The following MAP3K1 variants were observed in gnomAD, a reference collection of about 807,000 sequenced individuals.
MAP3K1 encodes the protein MAP/ERK kinase kinase 1.
MAP3K1 carries 36 observed loss-of-function variants against 144.2 expected under a neutral mutation model. The observed-to-expected ratio is 0.25, with a 90% CI of 0.19 to 0.33. The LOEUF (loss-of-function observed/expected upper bound fraction) is 0.33. Ranked by LOEUF, MAP3K1 falls within the 10% of genes least tolerant of loss-of-function variation. MAP3K1 has a pLI of 1.00. For synonymous variants in MAP3K1, 718 were observed against 688.7 expected (o/e 1.04, Z -0.67); for missense variants, 1,650 against 1,881.9 (o/e 0.88, Z 2.28).
chr5:56,844,220 C>T (rs1357678280), intron 1 of MAP3K1, among the ~76,000 whole-genome samples: 32 of 114,676 alleles, frequency 2.8e-4, no homozygotes, highest in Non-Finnish European at 4.3e-4. Context: ...GACAGAGTCT[C>T]GCTCTGTCGC....
chr5:56,834,300 A>T (rs1746579915), intron 1 of MAP3K1, among the ~76,000 whole-genome samples: 1 of 152,132 alleles, frequency 6.6e-6, no homozygotes, highest in East Asian at 1.9e-4. Context: ...GAGCCAGGGG[A>T]GATAAAAAGA....
chr5:56,815,782 T>A lies in MAP3K1; in HGVS notation c.209T>A (p.Leu70Gln). 7.0e-7 allele frequency: 1 copy of A among 1,419,386 alleles called. No homozygotes were observed. Among genetic ancestry groups the A allele is most frequent in the South Asian group, 1.4e-5 (1 of 71,322 alleles). 87.9% of individuals were successfully genotyped at this position (1,419,386 alleles called of 1,614,324 possible). ...RQLRKVRSVE[L>Q]DQLPEQPLFL... is the part of the protein sequence containing the mutation. ...CTGCGCAAAGTGCGGAGTGTGGAGC[T>A]GGACCAGCTGCCTGAGCAGCCGCTC... Residue 70 changes from leucine to glutamine, a missense_variant, in exon 1 of 20, where the codon CTG becomes CAG. Physicochemically the swap from Leu to Gln is moderately radical, Grantham distance 113 (BLOSUM62 -2). This residue lies in a region of MAP3K1 where 360 missense variants were observed against 274.7 expected (regional missense o/e 1.31). Transcript: ENST00000399503.
chr5:56,862,987 G>A (rs1351316664), intron 3 of MAP3K1, among the ~76,000 whole-genome samples: 1 of 152,148 alleles, frequency 6.6e-6, no homozygotes, highest in Admixed American at 6.5e-5. Flanking sequence ...AGCAAAATAG[G>A]TAGTAGGTAG....
chr5:56,865,104 T>C (rs1251950486), intron 4 of MAP3K1, among the ~76,000 whole-genome samples, 170 bp downstream of exon 4: 1 of 152,218 alleles, frequency 6.6e-6, no homozygotes, highest in Non-Finnish European at 1.5e-5. Flanking sequence ...TTATGAGGTT[T>C]TACTATCTTA....
intron 1 of MAP3K1, among the ~76,000 whole-genome samples, chr5:56,855,862 G>A (rs1049110780): frequency 1.3e-5 from 2 of 152,114 alleles, no homozygotes; most frequent in African/African-American, 2.4e-5. Context: ...TATGCATATC[G>A]TGTATGCATG....
rs1383537359 is a variant in MAP3K1 at position 56,865,885 on chromosome 5, A to G, written c.1209A>G (p.Pro403=). Residue 403 remains proline (P), a synonymous_variant, in exon 6 of 20, where the codon CCA becomes CCG. Coordinates refer to ENST00000399503, the MANE Select transcript of MAP3K1 (RefSeq NM_005921.2). ...HSRRSSRIKA[P]SRNTIQKFVS... ...GGCGTAGCTCAAGGATCAAAGCTCC[A>G]TCTCGTAACACCATCCAGAAGTTTG... 4 of 1,613,972 alleles carry G rather than the reference A, an allele frequency of 2.5e-6. No homozygotes were observed. The Admixed American group carries it at 5.0e-5, about 20-fold the overall frequency.
chr5:56,823,257 G>T (rs895400660), intron 1 of MAP3K1, among the ~76,000 whole-genome samples: 1 of 152,130 alleles, frequency 6.6e-6, no homozygotes, highest in Admixed American at 6.5e-5. Flanking sequence ...TTGTTCCGTG[G>T]CAGGGTTGCG....
rs143620909 is a variant in MAP3K1 at position 56,836,063 on chromosome 5, T to G, written c.482+20008T>G. On this transcript the variant is annotated intron_variant, in intron 1 of 19. Coordinates refer to ENST00000399503, the MANE Select transcript of MAP3K1 (RefSeq NM_005921.2). ...ACACAAATCCCTGCTCTCAGAGAGA[T>G]AATATTCTAACAAAAACGTGTTTGT... Among the ~76,000 whole-genome samples the G allele has an allele frequency of 8.4e-4, 128 of 152,232 alleles. 2 individuals are homozygous for G. The South Asian group carries it at 0.012, about 14-fold the overall frequency.
At chr5:56,868,985 A>G (rs1457355820) in intron 6 of MAP3K1, among the ~76,000 whole-genome samples, 2 of 152,158 alleles carry the variant, frequency 1.3e-5, no homozygotes, top group Non-Finnish European at 2.9e-5. Context: ...TTGCACTTAC[A>G]TGAGATACTT....
At chr5:56,873,955 A>G (rs570023754) in intron 9 of MAP3K1, among the ~76,000 whole-genome samples, 10 of 152,274 alleles carry the variant, frequency 6.6e-5, no homozygotes, top group African/African-American at 2.2e-4. Flanking sequence ...TGACCCATCA[A>G]AGAACTCTCA....
At chr5:56,868,357 G>A (rs1579763794) in intron 6 of MAP3K1, among the ~76,000 whole-genome samples, 1 of 151,996 alleles carries the variant, frequency 6.6e-6, no homozygotes, top group South Asian at 2.1e-4. Flanking sequence ...AAAAAAATGA[G>A]TACAAAGATG....
intron 1 of MAP3K1, among the ~76,000 whole-genome samples, chr5:56,828,422 C>T: frequency 6.6e-6 from 1 of 152,216 alleles, no homozygotes; most frequent in Non-Finnish European, 1.5e-5. Context: ...CTTCTTGTGG[C>T]TAAATTTAGC....
chr5:56,846,334 T>C (rs752417285), intron 1 of MAP3K1, among the ~76,000 whole-genome samples: 7 of 152,232 alleles, frequency 4.6e-5, no homozygotes, highest in Non-Finnish European at 8.8e-5. Flanking sequence ...TAACAACATA[T>C]TGGCTTCATT....
At chr5:56,883,727 G>A (rs1328352740) in intron 15 of MAP3K1, 48 bp downstream of exon 15, 2 of 1,586,094 alleles carry the variant, frequency 1.3e-6, no homozygotes, top group South Asian at 2.2e-5. Context: ...ATCACAAAAT[G>A]AAGCATGTTC....
chr5:56,843,569 T>C (rs1287737201), intron 1 of MAP3K1, among the ~76,000 whole-genome samples: 1 of 152,168 alleles, frequency 6.6e-6, no homozygotes, highest in African/African-American at 2.4e-5. Context: ...GCTTTTTTGC[T>C]TTCACCCCAG....
intron 4 of MAP3K1, 21 bp from the exon 5 acceptor site, chr5:56,865,319 G>A (rs1418943415): frequency 7.3e-7 from 1 of 1,376,126 alleles, no homozygotes; most frequent in South Asian, 1.2e-5. Flanking sequence ...TAACCTATAG[G>A]TTTTCTTTTT....
At chr5:56,820,940 T>A in intron 1 of MAP3K1, 2 of 343,318 alleles carry the variant, frequency 5.8e-6, no homozygotes, top group Non-Finnish European at 4.1e-6. Flanking sequence ...TAAGAATATA[T>A]ACAACACTGC....
At chr5:56,825,172 T>C (rs1746274643) in intron 1 of MAP3K1, among the ~76,000 whole-genome samples, 1 of 152,022 alleles carries the variant, frequency 6.6e-6, no homozygotes, top group African/African-American at 2.4e-5. Flanking sequence ...CACTTCCAAC[T>C]TTTTAAATTT....
intron 1 of MAP3K1, among the ~76,000 whole-genome samples, chr5:56,829,716 T>C (rs1746431469): frequency 6.6e-6 from 1 of 152,204 alleles, no homozygotes; most frequent in African/African-American, 2.4e-5. Context: ...CAGATAAGGC[T>C]GTGATCAGGA....
Sources: gnomAD v4.1 joint callset for allele counts (sites outside exome capture counted in the v4.1 genomes callset) on GRCh38, gnomAD v4.1.1 for gene constraint, gnomAD v4.1.1 regional missense constraint, MANE v1.5 for transcripts, NCBI Gene and HGNC (gene_info 2026-07-23, HGNC 2026-07-21) for gene names.